The following WWOX variants were observed in gnomAD, a reference collection of about 807,000 sequenced individuals.
The protein encoded by WWOX is WW domain-containing oxidoreductase.
WWOX carries 69 observed loss-of-function variants against 46.2 expected under a neutral mutation model. That is an observed-to-expected ratio of 1.49 (90% CI 1.23 to 1.82). The LOEUF is 1.82. Among genes scored for constraint, WWOX ranks in the 40% most tolerant of loss-of-function variants. The pLI, the probability that WWOX is intolerant of heterozygous loss-of-function variation, is 0.00. For missense variants in WWOX, 919 were observed against 542.6 expected (o/e 1.69, Z -6.89); for synonymous variants, 359 against 202.6 (o/e 1.77, Z -6.56).
At chr16:78,119,133 AT>A (rs1363590935) in intron 4 of WWOX, 3 of 152,240 alleles carry the variant, frequency 2.0e-5, no homozygotes, top group Non-Finnish European at 4.4e-5. Context: ...CAAGGGAGGA[AT>A]TCATTTCTGT....
intron 8 of WWOX, among the ~76,000 whole-genome samples, chr16:79,211,359 T>C (rs1256932174): frequency 4.6e-5 from 7 of 152,216 alleles, no homozygotes; most frequent in Admixed American, 4.6e-4. Context: ...TTTCCAAGCC[T>C]GTCCCTGTAT....
intron 8 of WWOX, among the ~76,000 whole-genome samples, chr16:78,918,057 C>G (rs575372577): frequency 6.6e-6 from 1 of 151,864 alleles, no homozygotes; most frequent in African/African-American, 2.4e-5. Flanking sequence ...TTAAAATTAG[C>G]CAGGCGTGGT....
At chr16:78,274,008 T>C (rs2079532726) in intron 5 of WWOX, among the ~76,000 whole-genome samples, 1 of 152,196 alleles carries the variant, frequency 6.6e-6, no homozygotes, top group Non-Finnish European at 1.5e-5. Flanking sequence ...ACCCAGCATC[T>C]GACTTAAAGA....
At position 78,344,722 on chromosome 16, in the gene WWOX, A is replaced by G. The variant is rs1259973787; in HGVS notation, c.517-42138A>G. Among the ~76,000 whole-genome samples, 12 of 122,048 alleles carry G rather than the reference A, an allele frequency of 9.8e-5. 3 individuals are homozygous for G. Among genetic ancestry groups the G allele is most frequent in the African/African-American group, 3.3e-4 (12 of 36,072 alleles). The allele number at this position is 122,048 out of a possible 152,430, so 80.1% of individuals were successfully genotyped here. A position where few individuals can be genotyped will look rare whatever the true frequency, so the allele number is the denominator to read the frequency against. The stretch of plus-strand genomic sequence containing the variant: ...GAAGGGAAGGAATTGACTGAAAAGA[A>G]TTCTCCATTCCAACTTCCCAAGTCA... On this transcript the variant is annotated intron_variant, in intron 5 of 8. Coordinates refer to ENST00000566780, the MANE Select transcript of WWOX (RefSeq NM_016373.4).
At chr16:78,970,187 T>G (rs2046442932) in intron 8 of WWOX, among the ~76,000 whole-genome samples, 1 of 152,156 alleles carries the variant, frequency 6.6e-6, no homozygotes, top group Non-Finnish European at 1.5e-5. Context: ...CTCCTGCTGT[T>G]AATGCCCCCT....
intron 8 of WWOX, among the ~76,000 whole-genome samples, chr16:79,093,979 C>T: frequency 6.6e-6 from 1 of 152,140 alleles, no homozygotes; most frequent in East Asian, 1.9e-4. Flanking sequence ...ATACCACTTC[C>T]ACAAATGCTA....
At chr16:78,969,953 AT>A (rs1244534875) in intron 8 of WWOX, among the ~76,000 whole-genome samples, 17 of 152,164 alleles carry the variant, frequency 1.1e-4, no homozygotes, top group Admixed American at 1.0e-3. Flanking sequence ...CAACTCTTTG[AT>A]TGTACTAAAA....
intron 8 of WWOX, among the ~76,000 whole-genome samples, chr16:78,832,658 G>A (rs927225726): frequency 1.3e-5 from 2 of 152,146 alleles, no homozygotes; most frequent in African/African-American, 2.4e-5. Context: ...CATCCTGCTA[G>A]TGTGAATCCA....
chr16:78,287,498 G>A (rs774946597), intron 5 of WWOX, among the ~76,000 whole-genome samples: 4 of 152,094 alleles, frequency 2.6e-5, no homozygotes, highest in East Asian at 1.9e-4. Context: ...TTGTGTTATC[G>A]TCATCAAGCA....
chr16:78,139,601 C>T (rs13353174), intron 4 of WWOX, among the ~76,000 whole-genome samples: 10,231 of 152,196 alleles, frequency 0.067, 722 homozygotes, highest in East Asian at 0.27. Flanking sequence ...GCTGAGATTG[C>T]GCCACTGCAC....
intron 8 of WWOX, among the ~76,000 whole-genome samples, chr16:79,179,301 C>A (rs73582795): frequency 6.6e-6 from 1 of 152,170 alleles, no homozygotes; most frequent in Admixed American, 6.5e-5. Flanking sequence ...CAACATTTTT[C>A]CATTTTTATG....
rs546818342 is a variant in WWOX, at chr16:78,805,418, G to T, written c.1056+372666G>T. Reference sequence around the variant, plus strand: ...TGGGACTACAGGCACCCGCCACCTCGCCTGGCTAATTTTTTTTTTTGTATT... The same window carrying T: ...TGGGACTACAGGCACCCGCCACCTCTCCTGGCTAATTTTTTTTTTTGTATT... On this transcript the variant is annotated intron_variant, in intron 8 of 8. Coordinates refer to ENST00000566780, the MANE Select transcript of WWOX (RefSeq NM_016373.4). 2.9e-4 allele frequency among the ~76,000 whole-genome samples: 36 copies of T among 125,052 alleles called. No homozygotes were observed. In the East Asian group the frequency reaches 7.4e-3, roughly 26 times the overall value. 82.0% of individuals were successfully genotyped at this position (125,052 alleles called of 152,430 possible).
At chr16:78,820,738 A>G (rs1026367391) in intron 8 of WWOX, among the ~76,000 whole-genome samples, 1 of 152,090 alleles carries the variant, frequency 6.6e-6, no homozygotes, top group African/African-American at 2.4e-5. Context: ...AGAATCATTC[A>G]TTGTTTCATG....
At chr16:78,141,774 T>C (rs942520018) in intron 4 of WWOX, among the ~76,000 whole-genome samples, 10 of 152,110 alleles carry the variant, frequency 6.6e-5, no homozygotes, top group African/African-American at 2.4e-4. Context: ...GATAGAAATT[T>C]ATCAGTGTGT....
At chr16:78,850,985 A>G (rs1197130062) in intron 8 of WWOX, among the ~76,000 whole-genome samples, 4 of 152,144 alleles carry the variant, frequency 2.6e-5, no homozygotes, top group Non-Finnish European at 5.9e-5. Flanking sequence ...GTCTCTCTGC[A>G]TGTAGTGTTT....
At chr16:78,519,408 C>G (rs978023451) in intron 8 of WWOX, among the ~76,000 whole-genome samples, 1 of 152,012 alleles carries the variant, frequency 6.6e-6, no homozygotes, top group South Asian at 2.1e-4. Context: ...CACGTCAGAC[C>G]TTTCCATGGA....
intron 8 of WWOX, among the ~76,000 whole-genome samples, chr16:78,765,638 C>T (rs2049909329): frequency 6.6e-6 from 1 of 152,042 alleles, no homozygotes; most frequent in Admixed American, 6.6e-5. Context: ...GAGATTGTGC[C>T]ACTGCACTGC....
In WWOX at chr16:78,867,979, G is replaced by C. The variant is rs541001528; in HGVS notation, c.1057-343629G>C. Among the ~76,000 whole-genome samples, 35 of 152,298 alleles carry C rather than the reference G, an allele frequency of 2.3e-4. No homozygotes were observed. The South Asian group carries it at 6.8e-3, about 30-fold the overall frequency. ...CAATGAATTTGGAAACAGTTGTCCAGTGCCTTAAAAAGTTAAACACACACA... is the reference window on the plus strand; with the variant it reads ...CAATGAATTTGGAAACAGTTGTCCACTGCCTTAAAAAGTTAAACACACACA... On this transcript the variant is annotated intron_variant, in intron 8 of 8. Transcript: ENST00000566780.
chr16:78,661,973 G>C (rs2142174411), intron 8 of WWOX, among the ~76,000 whole-genome samples: 1 of 152,318 alleles, frequency 6.6e-6, no homozygotes, highest in South Asian at 2.1e-4. Context: ...GAGCCCGGTA[G>C]ATGGAGGTTG....
Sources: gnomAD v4.1 joint callset for allele counts (sites outside exome capture counted in the v4.1 genomes callset) on GRCh38, gnomAD v4.1.1 for gene constraint, MANE v1.5 for transcripts, NCBI Gene and HGNC (gene_info 2026-07-23, HGNC 2026-07-21) for gene names.